Variants in RSF1 observed in about 807,000 individuals in gnomAD.
RSF1 encodes the protein HBV pX-associated protein 8.
Under a neutral mutation model 145.2 loss-of-function variants are expected in RSF1, and 13 were observed. The ratio of observed to expected loss-of-function variants is 0.09; its 90% CI spans 0.06 to 0.14. The LOEUF (loss-of-function observed/expected upper bound fraction) is 0.14, where lower values mean the gene tolerates loss of function less well. Ranked by LOEUF, RSF1 falls within the 10% of genes least tolerant of loss-of-function variation. The pLI is 1.00. For synonymous variants in RSF1, 577 were observed against 592.6 expected, an observed-to-expected ratio of 0.97 and a Z score of 0.38; for missense variants, 1,517 against 1,718.2, an observed-to-expected ratio of 0.88 and a Z score of 2.07.
chr11:77,691,248 CA>C lies in RSF1; in HGVS notation c.2821-11del. 6.2e-7 allele frequency: 1 copy of C among 1,612,742 alleles called. No homozygotes were observed. Among genetic ancestry groups the C allele is most frequent in the South Asian group, 1.1e-5 (1 of 91,008 alleles). On this transcript the variant is annotated splice_polypyrimidine_tract_variant and intron_variant, in intron 8 of 15. Coordinates refer to ENST00000308488, the MANE Select transcript of RSF1 (RefSeq NM_016578.4). ...TTTCACAGAGCAGTTTCTGAAGAAG[CA>C]AAATAGATAAAAGTCATTTTAAACA... is the stretch of plus-strand genomic sequence containing the variant.
chr11:77,763,802 T>C (rs1317514462), intron 2 of RSF1: 2 of 152,040 alleles, frequency 1.3e-5, no homozygotes, highest in Non-Finnish European at 2.9e-5. Context: ...AGATACCATA[T>C]ATGCAAAAAT....
At chr11:77,816,058 A>G (rs185775583) in intron 1 of RSF1, among the ~76,000 whole-genome samples, 2 of 152,318 alleles carry the variant, frequency 1.3e-5, no homozygotes, top group East Asian at 3.9e-4. Flanking sequence ...TCTATGACAT[A>G]TCGAAAATGG....
intron 8 of RSF1, 122 bp downstream of exon 8, chr11:77,693,385 C>A: frequency 1.8e-6 from 1 of 550,622 alleles, no homozygotes; most frequent in East Asian, 3.1e-5. Flanking sequence ...GAAATCTAAA[C>A]AGAGGTAAAT....
intron 2 of RSF1, among the ~76,000 whole-genome samples, chr11:77,751,218 CTTAT>C (rs1300381640): frequency 9.9e-5 from 15 of 152,132 alleles, no homozygotes; most frequent in Non-Finnish European, 2.2e-4. Flanking sequence ...GGATCATTAA[CTTAT>C]TTATCTTGGA....
chr11:77,671,165 ATATATATATATATT>A (rs1445231035), intron 15 of RSF1, among the ~76,000 whole-genome samples: 7 of 97,284 alleles, frequency 7.2e-5, no homozygotes, highest in Non-Finnish European at 1.1e-4. Flanking sequence ...ATATATATAT[ATATATATATATATT>A]TATATGTATA....
intron 5 of RSF1, 121 bp from the exon 6 acceptor site, chr11:77,702,616 T>C (rs549371951): frequency 2.6e-5 from 14 of 539,910 alleles, no homozygotes; most frequent in Admixed American, 1.3e-4. Flanking sequence ...GCCTCTGTCA[T>C]TGGATATTTG....
At chr11:77,776,469 C>G (rs767049905) in intron 1 of RSF1, among the ~76,000 whole-genome samples, 2 of 152,134 alleles carry the variant, frequency 1.3e-5, no homozygotes, top group Non-Finnish European at 2.9e-5. Context: ...AGCAGAGGTA[C>G]CTAGATGAGT....
chr11:77,711,444 G>A (rs1352479099), intron 5 of RSF1, among the ~76,000 whole-genome samples: 4 of 152,200 alleles, frequency 2.6e-5, no homozygotes, highest in Non-Finnish European at 4.4e-5. Context: ...CGAGGCGAGC[G>A]GATCACAAGG....
Position 77,660,500 on chromosome 11 carries a change from G to T in RSF1, c.*6417C>A, listed in dbSNP as rs1959221706. ...AACAGCATGGTCCTGATTACCTCAA[G>T]AGTTAGTTTTATGCCAATCTTGGAG... On this transcript the variant is annotated 3_prime_UTR_variant, in exon 16 of 16. Transcript: ENST00000308488. 1 of 147,652 alleles carries T rather than the reference G, an allele frequency of 6.8e-6. No homozygotes were observed. The highest frequency in any genetic ancestry group is 1.5e-5 in the Non-Finnish European group (1 of 67,022). The allele number at this position is 147,652 out of a possible 1,614,324, so 9.1% of individuals were successfully genotyped here.
At chr11:77,675,297 A>C in intron 13 of RSF1, 41 bp from the exon 14 acceptor site, 2 of 1,509,450 alleles carry the variant, frequency 1.3e-6, no homozygotes, top group Non-Finnish European at 1.8e-6. Flanking sequence ...GGTATTTAGA[A>C]GAGTGAACCC....
chr11:77,785,379 C>G (rs1449840142), intron 1 of RSF1, among the ~76,000 whole-genome samples: 1 of 152,108 alleles, frequency 6.6e-6, no homozygotes, highest in Non-Finnish European at 1.5e-5. Context: ...CACCTGAGAT[C>G]AGGAGTTTGA....
chr11:77,689,285 T>A (rs190030793), intron 9 of RSF1, among the ~76,000 whole-genome samples: 1 of 152,202 alleles, frequency 6.6e-6, no homozygotes, highest in African/African-American at 2.4e-5. Context: ...TTTTCTGAAA[T>A]AAAGATATAC....
intron 1 of RSF1, among the ~76,000 whole-genome samples, chr11:77,791,400 C>T (rs1275406831): frequency 2.0e-5 from 3 of 152,182 alleles, no homozygotes; most frequent in Non-Finnish European, 2.9e-5. Flanking sequence ...TGAAGACCTC[C>T]GACATGCCCT....
At chr11:77,759,699 A>C (rs1948151888) in intron 2 of RSF1, among the ~76,000 whole-genome samples, 1 of 152,174 alleles carries the variant, frequency 6.6e-6, no homozygotes, top group African/African-American at 2.4e-5. Flanking sequence ...AAAGAAAAAG[A>C]AAATCCTTTG....
intron 1 of RSF1, among the ~76,000 whole-genome samples, chr11:77,802,153 A>C (rs1321695949): frequency 6.6e-6 from 1 of 152,158 alleles, no homozygotes; most frequent in African/African-American, 2.4e-5. Flanking sequence ...CTGCTCGTTT[A>C]TAACCTCCAT....
At chr11:77,770,713 C>T (rs1433194151) in intron 1 of RSF1, among the ~76,000 whole-genome samples, 2 of 152,104 alleles carry the variant, frequency 1.3e-5, no homozygotes, top group Admixed American at 6.6e-5. Flanking sequence ...TTATCTGCTA[C>T]CAAGAAAGTA....
At chr11:77,705,692 GC>G (rs1960531706) in intron 5 of RSF1, among the ~76,000 whole-genome samples, 1 of 152,078 alleles carries the variant, frequency 6.6e-6, no homozygotes, top group Non-Finnish European at 1.5e-5. Context: ...GGTGCCTTTT[GC>G]CCTTTTCCCT....
chr11:77,866,146 GA>G, the RSF1 span, among the ~76,000 whole-genome samples: 1 of 152,196 alleles, frequency 6.6e-6, no homozygotes, highest in Non-Finnish European at 1.5e-5. Context: ...AGTAGTTTAG[GA>G]ATGTTTTCTT....
intron 4 of RSF1, among the ~76,000 whole-genome samples, chr11:77,733,557 ATTTTT>A (rs11353278): frequency 8.0e-6 from 1 of 124,288 alleles, no homozygotes; most frequent in Non-Finnish European, 1.7e-5. Context: ...TACATCTTTG[ATTTTT>A]TTTTTTTTTT....
Sources: allele counts gnomAD v4.1 joint callset (sites outside exome capture counted in the v4.1 genomes callset), GRCh38; gene constraint gnomAD v4.1.1; transcripts MANE v1.5; gene names NCBI Gene and HGNC (gene_info 2026-07-23, HGNC 2026-07-21).